The following ZNF839 variants were observed in gnomAD, a reference collection of about 807,000 sequenced individuals.
ZNF839 encodes renal carcinoma antigen NY-REN-50.
A neutral mutation model predicts 56.4 loss-of-function variants in ZNF839; 38 were observed. The ratio of observed to expected loss-of-function variants is 0.67; its 90% CI spans 0.52 to 0.88. The LOEUF (loss-of-function observed/expected upper bound fraction) is 0.88. Among genes scored for constraint, ZNF839 ranks in the 40% least tolerant of loss-of-function variants. ZNF839 has a pLI of 0.00. For missense variants in ZNF839, 1,091 were observed against 1,177.6 expected (o/e 0.93, Z 1.08); for synonymous variants, 486 against 493.5 (o/e 0.98, Z 0.20).
chr14:102,338,687 C>T lies in ZNF839; in HGVS notation c.1660-129C>T. On this transcript the variant is annotated intron_variant, in intron 5 of 7. Coordinates refer to ENST00000442396, the MANE Select transcript of ZNF839 (RefSeq NM_018335.6). The stretch of plus-strand genomic sequence containing the variant: ...TTCATCTTTCTCATTGTTGAGATGG[C>T]ATCTCACAGTAGGTGAGGAACTTTG... The T allele has an allele frequency of 2.4e-6, 3 of 1,225,438 alleles. 1 individual carries two copies. Among genetic ancestry groups the T allele is most frequent in the Middle Eastern group, 4.0e-4 (2 of 4,954 alleles). 75.9% of individuals were successfully genotyped at this position (1,225,438 alleles called of 1,614,324 possible).
At position 102,339,111 on chromosome 14, in the gene ZNF839, G is replaced by A. The variant is rs778350076; in HGVS notation, c.1815G>A (p.Leu605=). ...KREREAAEEG[L]ASVKRPRREA... ...CTTCACAGGCTGCGGAGGAGGGACT[G>A]GCCTCAGTGAAAAGGCCCAGAAGAG... The change falls in exon 7 of 8, where the codon CTG becomes CTA. Residue 605 remains leucine (L), a synonymous_variant. Transcript: ENST00000442396. 2 of 1,613,654 alleles carry A rather than the reference G, an allele frequency of 1.2e-6. No individual in the cohort carries two copies. Among genetic ancestry groups the A allele is most frequent in the East Asian group, 4.5e-5 (2 of 44,894 alleles).
chr14:102,318,955 C>A (rs921169073), upstream of ZNF839, among the ~76,000 whole-genome samples: 3 of 152,200 alleles, frequency 2.0e-5, no homozygotes, highest in African/African-American at 7.2e-5. Context: ...ACCAGTGGAC[C>A]TCCTGCTCTC....
Position 102,341,923 on chromosome 14 carries a change from A to T in ZNF839, c.2528A>T (p.Asp843Val), listed in dbSNP as rs762067310. 6.2e-7 allele frequency: 1 copy of T among 1,613,908 alleles called. No homozygotes were observed. Among genetic ancestry groups the T allele is most frequent in the South Asian group, 1.1e-5 (1 of 91,078 alleles). ...GGGTGTCTCAGAAGCCTTTCGGGGG[A>T]CTTGAACCGGTTCCCCTGTGGGATG... ...TEGCLRSLSG[D>V]LNRFPCGMEV... is the part of the protein sequence containing the mutation. Residue 843 changes from aspartate (D) to valine (V), a missense_variant, in exon 8 of 8, where the codon GAC becomes GTC. Physicochemically the swap from Asp to Val is radical, Grantham distance 152. Coordinates refer to ENST00000442396, the MANE Select transcript of ZNF839 (RefSeq NM_018335.6).
Position 102,326,047 on chromosome 14 carries a change from GCTC to G in ZNF839, c.354_356del (p.Leu119del), listed in dbSNP as rs1259216819. ...AAACAAAAGGTCAGGAAAGGCCAAT[GCTC>G]CTACCGACCACAATCCAGCCCCAAA... On this transcript the variant is annotated inframe_deletion, in exon 2 of 8. Coordinates refer to ENST00000442396, the MANE Select transcript of ZNF839 (RefSeq NM_018335.6). The surrounding 1 kb of genome is among the most constrained non-coding windows in gnomAD (Gnocchi z 4.3). 3 of 1,613,450 alleles carry G rather than the reference GCTC, an allele frequency of 1.9e-6. No homozygotes were observed. Among genetic ancestry groups the G allele is most frequent in the Non-Finnish European group, 2.5e-6 (3 of 1,179,734 alleles).
intron 3 of ZNF839, among the ~76,000 whole-genome samples, chr14:102,333,876 A>T (rs1334007783): frequency 6.6e-6 from 1 of 152,162 alleles, no homozygotes; most frequent in African/African-American, 2.4e-5. Flanking sequence ...CCCAGGCTCA[A>T]GCTGGGAACC....
At position 102,334,613 on chromosome 14, in the gene ZNF839, G is replaced by A. The variant is rs374064620; in HGVS notation, c.1476G>A (p.Gln492=). The change falls in exon 4 of 8, where the codon CAG becomes CAA. Residue 492 remains glutamine, a synonymous_variant. Transcript: ENST00000442396. The part of the protein sequence containing the change: ...LVELALPQLA[Q]VVTVYEFLLM... The stretch of plus-strand genomic sequence containing the variant: ...AATTGGCTCTGCCTCAGCTGGCTCA[G>A]GTTGTGACCGTGTATGAGTTTCTTC... The A allele has an allele frequency of 1.2e-5, 19 of 1,612,742 alleles. No individual in the cohort carries two copies. The highest frequency in any genetic ancestry group is 1.6e-5 in the Non-Finnish European group (19 of 1,179,470).
At chr14:102,329,789 C>CTT (rs35781672) in intron 2 of ZNF839, among the ~76,000 whole-genome samples, 322 of 102,006 alleles carry the variant, frequency 3.2e-3, no homozygotes, top group Non-Finnish European at 4.7e-3. Flanking sequence ...TAGAGATAAC[C>CTT]TTTTTTTTTT....
chr14:102,341,855 G>C lies in ZNF839; in HGVS notation c.2460G>C (p.Lys820Asn). 1 of 1,614,068 alleles carries C rather than the reference G, an allele frequency of 6.2e-7. No homozygotes were observed. The highest frequency in any genetic ancestry group is 8.5e-7 in the Non-Finnish European group (1 of 1,179,898). Residue 820 changes from lysine to asparagine, a missense_variant, in exon 8 of 8, where the codon AAG becomes AAC. This residue lies in a region of ZNF839 where 431 missense variants were observed against 468.0 expected (regional missense o/e 0.92). Coordinates refer to ENST00000442396, the MANE Select transcript of ZNF839 (RefSeq NM_018335.6). Reference sequence around the variant, plus strand: ...ACTGTGCCTACAGGACTGTGCCCAAGCCAGGGCCTCAGCCTGGCCCACATG... The same window carrying C: ...ACTGTGCCTACAGGACTGTGCCCAACCCAGGGCCTCAGCCTGGCCCACATG... ...AVDCAYRTVP[K>N]PGPQPGPHGS...
At chr14:102,338,766 G>C (rs766453784) in intron 5 of ZNF839, 50 bp from the exon 6 acceptor site, 4 of 1,610,056 alleles carry the variant, frequency 2.5e-6, no homozygotes, top group Non-Finnish European at 3.4e-6. Context: ...TGCTTCTGGG[G>C]GTGTGTGCTG....
chr14:102,326,552 C>G lies in ZNF839; in HGVS notation c.856C>G (p.Leu286Val), dbSNP rs768803632. 6.2e-7 allele frequency: 1 copy of G among 1,613,986 alleles called. No individual in the cohort carries two copies. The highest frequency in any genetic ancestry group is 8.5e-7 in the Non-Finnish European group (1 of 1,179,896). Residue 286 changes from leucine to valine, a missense_variant, in exon 2 of 8, where the codon CTC (leucine) becomes GTC (valine). By Grantham distance (32) the Leu-to-Val change is conservative. Transcript: ENST00000442396. This position sits in a 1 kb window ranked among gnomAD's most constrained non-coding sequence, Gnocchi z 4.3. ...GTCAGATTCTGATGATTACTCAGAA[C>G]TCTGTGTGGAAGAAGATGAAGATCA... is the stretch of plus-strand genomic sequence containing the variant. ...HLSDSDDYSE[L>V]CVEEDEDQRE...
chr14:102,339,936 G>A (rs897492579), intron 7 of ZNF839, among the ~76,000 whole-genome samples: 2 of 152,076 alleles, frequency 1.3e-5, no homozygotes, highest in Non-Finnish European at 2.9e-5. Context: ...TCTGGCTCTA[G>A]CCAGAACCTA....
upstream of ZNF839, chr14:102,319,593 C>A: frequency 2.2e-6 from 2 of 919,134 alleles, no homozygotes; most frequent in Non-Finnish European, 2.8e-6. The surrounding 1 kb of genome is among the most constrained non-coding windows in gnomAD (Gnocchi z 4.5). Context: ...GCCCTAAGAG[C>A]CGCGGCGGTT....
chr14:102,330,715 A>G (rs140511029), intron 2 of ZNF839, among the ~76,000 whole-genome samples: 1 of 151,616 alleles, frequency 6.6e-6, no homozygotes, highest in Non-Finnish European at 1.5e-5. Context: ...ACAGGGTTTC[A>G]CCGTGTTGTC....
At chr14:102,336,502 C>T in intron 5 of ZNF839, 1 of 297,556 alleles carries the variant, frequency 3.4e-6, no homozygotes, top group Non-Finnish European at 6.5e-6. Flanking sequence ...ACCGTGTTGC[C>T]CAGGCTGGTC....
Position 102,319,791 on chromosome 14 carries a change from G to T in ZNF839, c.26G>T (p.Gly9Val). The T allele has an allele frequency of 1.6e-6, 2 of 1,232,328 alleles. No individual in the cohort carries two copies. Among genetic ancestry groups the T allele is most frequent in the Non-Finnish European group, 1.0e-6 (1 of 988,284 alleles). The allele number at this position is 1,232,328 out of a possible 1,614,324, so 76.3% of individuals were successfully genotyped here. A position where few individuals can be genotyped will look rare whatever the true frequency, so the allele number is the denominator to read the frequency against. MADAEPEAGGGSEDGGGGG... is the reference protein window; with the variant it reads MADAEPEAVGGSEDGGGGG... ...ATGGCGGATGCGGAGCCGGAGGCTGGGGGCGGCAGCGAGGATGGCGGCGGC... is the reference window on the plus strand; with the variant it reads ...ATGGCGGATGCGGAGCCGGAGGCTGTGGGCGGCAGCGAGGATGGCGGCGGC... Residue 9 changes from glycine to valine, a missense_variant, in exon 1 of 8, where the codon GGG (glycine) becomes GTG (valine). Around this residue, in one of 3 missense-constraint regions of ZNF839, gnomAD observed 614 missense variants for 629.2 expected, o/e 0.98. Transcript: ENST00000442396. The surrounding 1 kb of genome is among the most constrained non-coding windows in gnomAD (Gnocchi z 4.5).
intron 1 of ZNF839, among the ~76,000 whole-genome samples, chr14:102,324,563 T>G (rs1197097425): frequency 6.6e-6 from 1 of 152,040 alleles, no homozygotes; most frequent in Non-Finnish European, 1.5e-5. Context: ...TAGCTGGTCA[T>G]GGTGGCACAC....
Position 102,338,848 on chromosome 14 carries a change from A to G in ZNF839, c.1692A>G (p.Leu564=). 1 of 1,613,950 alleles carries G rather than the reference A, an allele frequency of 6.2e-7. No homozygotes were observed. Among genetic ancestry groups the G allele is most frequent in the Non-Finnish European group, 8.5e-7 (1 of 1,179,900 alleles). ...VAESLGITEF[L]RKKEIHPDNL... is the part of the protein sequence containing the mutation. ...AGTCATTAGGAATCACAGAATTCCTACGGAAGAAAGAAATACACCCAGACA... is the reference window on the plus strand; with the variant it reads ...AGTCATTAGGAATCACAGAATTCCTGCGGAAGAAAGAAATACACCCAGACA... The change falls in exon 6 of 8, where the codon CTA becomes CTG. Residue 564 remains leucine, a synonymous_variant. Coordinates refer to ENST00000442396, the MANE Select transcript of ZNF839 (RefSeq NM_018335.6).
chr14:102,320,005 G>A lies in ZNF839; in HGVS notation c.240G>A (p.Arg80=). 9.3e-6 allele frequency: 11 copies of A among 1,180,274 alleles called. No individual in the cohort carries two copies. Among genetic ancestry groups the A allele is most frequent in the Non-Finnish European group, 1.2e-5 (11 of 955,672 alleles). The allele number at this position is 1,180,274 out of a possible 1,614,324, so 73.1% of individuals were successfully genotyped here. A position where few individuals can be genotyped will look rare whatever the true frequency, so the allele number is the denominator to read the frequency against. ...RDAAQQAALQ[R]GRGTEPPRLP... is the part of the protein sequence containing the mutation. ...CGGCCCAACAGGCCGCCCTGCAGCGGGGCCGGGGCACCGAGCCCCCGCGCC... is the reference window on the plus strand; with the variant it reads ...CGGCCCAACAGGCCGCCCTGCAGCGAGGCCGGGGCACCGAGCCCCCGCGCC... The change falls in exon 1 of 8, where the codon CGG becomes CGA. Residue 80 remains arginine, a synonymous_variant. Coordinates refer to ENST00000442396, the MANE Select transcript of ZNF839 (RefSeq NM_018335.6).
At chr14:102,330,820 C>A (rs2073743522) in intron 2 of ZNF839, among the ~76,000 whole-genome samples, 1 of 152,128 alleles carries the variant, frequency 6.6e-6, no homozygotes, top group South Asian at 2.1e-4. Context: ...GCACGCCTGG[C>A]CTTTATTTTA....
Sources: gnomAD v4.1 joint callset for allele counts (sites outside exome capture counted in the v4.1 genomes callset) on GRCh38, gnomAD v4.1.1 for gene constraint, gnomAD v4.1.1 regional missense constraint, Gnocchi (gnomAD v3.1) non-coding constraint, MANE v1.5 for transcripts, NCBI Gene and HGNC (gene_info 2026-07-23, HGNC 2026-07-21) for gene names.